Variants in CLVS1 observed in about 807,000 individuals in gnomAD.
CLVS1 encodes clavesin-1.
CLVS1 carries 10 observed loss-of-function variants against 33.1 expected under a neutral mutation model. That is an observed-to-expected ratio of 0.30 (90% CI 0.19 to 0.51). CLVS1 has a LOEUF of 0.51. CLVS1 is among the 20% of genes least tolerant of loss of function. CLVS1 has a pLI of 0.97. For synonymous variants in CLVS1, 163 were observed against 166.1 expected (o/e 0.98, Z 0.14); for missense variants, 343 against 433.4 (o/e 0.79, Z 1.85).
intron 1 of CLVS1, among the ~76,000 whole-genome samples, chr8:61,292,903 C>G (rs559658900): frequency 6.6e-6 from 1 of 152,264 alleles, no homozygotes; most frequent in African/African-American, 2.4e-5. Context: ...TTCTAGAATC[C>G]TCTGTCACAT....
intron 2 of CLVS1, among the ~76,000 whole-genome samples, chr8:61,273,474 G>A (rs1303836199): frequency 6.6e-6 from 1 of 152,050 alleles, no homozygotes; most frequent in African/African-American, 2.4e-5. Flanking sequence ...CAGAGGTGGA[G>A]CCTACAGAGG....
rs568446676 is a variant in CLVS1 at position 61,139,716 on chromosome 8, C to A, written c.-152+7856C>A. 3.3e-5 allele frequency among the ~76,000 whole-genome samples: 5 copies of A among 152,092 alleles called. No individual in the cohort carries two copies. In the South Asian group the frequency reaches 8.3e-4, roughly 25 times the overall value. ...CAGGATCGTGCTTCCCCTCGGTGGT[C>A]GGGGTCCGCTTCCGCGTCGGTTCTG... is the stretch of plus-strand genomic sequence containing the variant. On this transcript the variant is annotated intron_variant, in intron 2 of 2. Coordinates refer to the CLVS1 transcript ENST00000522621.
chr8:61,392,909 G>A (rs930041334), intron 3 of CLVS1, among the ~76,000 whole-genome samples: 1 of 152,008 alleles, frequency 6.6e-6, no homozygotes, highest in African/African-American at 2.4e-5. Context: ...TTGAGAAAGA[G>A]TTTTGCTCTT....
the CLVS1 span, among the ~76,000 whole-genome samples, chr8:61,022,888 C>T: frequency 6.6e-6 from 1 of 152,248 alleles, no homozygotes; most frequent in Non-Finnish European, 1.5e-5. Context: ...CAAATATACA[C>T]ACGCATCTGT....
At chr8:61,204,140 C>T (rs1255385905) in intron 2 of CLVS1, among the ~76,000 whole-genome samples, 1 of 152,154 alleles carries the variant, frequency 6.6e-6, no homozygotes, top group Non-Finnish European at 1.5e-5. Context: ...TTTTCACAGA[C>T]CTGTGCTCCT....
At chr8:61,044,635 T>A in the CLVS1 span, among the ~76,000 whole-genome samples, 1 of 152,148 alleles carries the variant, frequency 6.6e-6, no homozygotes, top group Non-Finnish European at 1.5e-5. Flanking sequence ...TGGCACACAA[T>A]AGCTGAGCAT....
intron 3 of CLVS1, among the ~76,000 whole-genome samples, chr8:61,437,163 G>A (rs957993694): frequency 8.5e-5 from 13 of 152,228 alleles, no homozygotes; most frequent in African/African-American, 2.6e-4. Context: ...TCCAACACTT[G>A]TTCGTTCTTC....
chr8:61,036,729 T>G, the CLVS1 span, among the ~76,000 whole-genome samples: 1 of 152,260 alleles, frequency 6.6e-6, no homozygotes, highest in East Asian at 1.9e-4. Context: ...CAATTATCTT[T>G]CCTGTAAAAT....
intron 2 of CLVS1, among the ~76,000 whole-genome samples, chr8:61,162,257 C>T (rs1806768367): frequency 1.3e-5 from 2 of 152,200 alleles, no homozygotes; most frequent in South Asian, 2.1e-4. Flanking sequence ...TTCTTTGAAT[C>T]CCATATTTGC....
chr8:61,260,952 A>G (rs1283652259), intron 2 of CLVS1, among the ~76,000 whole-genome samples: 1 of 152,352 alleles, frequency 6.6e-6, no homozygotes, highest in Non-Finnish European at 1.5e-5. Context: ...TTTCAATTCA[A>G]ATTCCCGGGT....
intron 2 of CLVS1, among the ~76,000 whole-genome samples, chr8:61,186,690 G>C (rs1269854828): frequency 6.6e-6 from 1 of 152,150 alleles, no homozygotes; most frequent in Non-Finnish European, 1.5e-5. Flanking sequence ...GGGAGGGAGA[G>C]AGGGAGAGAG....
chr8:61,302,483 G>A (rs987354267), intron 2 of CLVS1, among the ~76,000 whole-genome samples: 1 of 152,074 alleles, frequency 6.6e-6, no homozygotes, highest in African/African-American at 2.4e-5. Context: ...ATCCCTGCCG[G>A]TTAGGACCCC....
intron 1 of CLVS1, among the ~76,000 whole-genome samples, chr8:61,109,655 C>T (rs1479864713): frequency 1.3e-5 from 2 of 152,108 alleles, no homozygotes; most frequent in African/African-American, 4.8e-5. Flanking sequence ...CCCAAAGGGT[C>T]AGTGTTGAGA....
At chr8:61,393,393 C>A (rs1252725528) in intron 3 of CLVS1, among the ~76,000 whole-genome samples, 8 of 152,058 alleles carry the variant, frequency 5.3e-5, no homozygotes, top group African/African-American at 1.7e-4. Flanking sequence ...CTTCTGAATT[C>A]TTTATCTGGC....
intron 1 of CLVS1, among the ~76,000 whole-genome samples, chr8:61,058,360 A>G (rs1012570522): frequency 3.9e-5 from 6 of 152,222 alleles, no homozygotes; most frequent in African/African-American, 1.4e-4. Context: ...ACAGCTACAG[A>G]TCATGCTCTT....
intron 2 of CLVS1, among the ~76,000 whole-genome samples, chr8:61,200,281 C>A (rs1807700848): frequency 1.3e-5 from 2 of 149,958 alleles, no homozygotes; most frequent in Non-Finnish European, 2.9e-5. Context: ...ACCATGCCGG[C>A]TAATTTTTTT....
chr8:61,353,850 C>T (rs530164248), intron 2 of CLVS1, among the ~76,000 whole-genome samples: 4 of 150,152 alleles, frequency 2.7e-5, no homozygotes, highest in African/African-American at 9.8e-5. Context: ...GCTAGACTGA[C>T]AATAATAAAA....
intron 2 of CLVS1, among the ~76,000 whole-genome samples, chr8:61,304,168 T>A (rs921785648): frequency 6.6e-6 from 1 of 152,258 alleles, no homozygotes; most frequent in Admixed American, 6.5e-5. Context: ...GAATATCTCA[T>A]GTGAAGGGTT....
the CLVS1 span, among the ~76,000 whole-genome samples, chr8:61,020,276 C>T: frequency 2.6e-5 from 4 of 152,180 alleles, no homozygotes; most frequent in Non-Finnish European, 5.9e-5. Context: ...CTCAGTTCTA[C>T]TTGGAATCTC....
Sources: allele counts gnomAD v4.1 joint callset (sites outside exome capture counted in the v4.1 genomes callset), GRCh38; gene constraint gnomAD v4.1.1; transcripts MANE v1.5; gene names NCBI Gene and HGNC (gene_info 2026-07-23, HGNC 2026-07-21).